The following RBFOX1 variants were observed in gnomAD, a reference collection of about 807,000 sequenced individuals.
RBFOX1 encodes RNA binding protein fox-1 homolog 1.
RBFOX1 carries 8 observed loss-of-function variants against 57.7 expected under a neutral mutation model. The ratio of observed to expected loss-of-function variants is 0.14; its 90% confidence interval spans 0.08 to 0.25. The LOEUF is 0.25. RBFOX1 is among the 10% of genes least tolerant of loss of function. The probability of loss-of-function intolerance (pLI) is 1.00; values close to 1 mark genes in which losing one functional copy is unlikely to be tolerated. For synonymous variants in RBFOX1, 326 were observed against 222.4 expected (o/e 1.47, Z -4.15); for missense variants, 611 against 548.5 (o/e 1.11, Z -1.14).
intron 3 of RBFOX1, among the ~76,000 whole-genome samples, chr16:5,750,749 C>T (rs942747075): frequency 6.6e-6 from 1 of 152,156 alleles, no homozygotes; most frequent in African/African-American, 2.4e-5. Flanking sequence ...CCCAATTTTC[C>T]AGGTGCCGTC....
chr16:5,734,655 C>T (rs2052506979), intron 3 of RBFOX1, among the ~76,000 whole-genome samples: 1 of 152,130 alleles, frequency 6.6e-6, no homozygotes, highest in African/African-American at 2.4e-5. Flanking sequence ...CTGCCTGTCG[C>T]CTTCCTCTTT....
chr16:6,440,214 C>T (rs759426885), intron 2 of RBFOX1, among the ~76,000 whole-genome samples: 16 of 151,978 alleles, frequency 1.1e-4, no homozygotes, highest in Non-Finnish European at 1.8e-4. Context: ...GGATTACAGG[C>T]GTGAGCCTTA....
chr16:6,850,781 T>A (rs1234443516), intron 3 of RBFOX1, among the ~76,000 whole-genome samples: 1 of 152,202 alleles, frequency 6.6e-6, no homozygotes, highest in Non-Finnish European at 1.5e-5. Flanking sequence ...GGTGGGAATG[T>A]CAAATGACTT....
In RBFOX1 at chr16:5,775,762, C is replaced by T. The variant is rs556804661; in HGVS notation, c.319-91541C>T. Among the ~76,000 whole-genome samples, 11 of 152,300 alleles carry T rather than the reference C, an allele frequency of 7.2e-5. No homozygotes were observed. In the East Asian group the frequency reaches 9.6e-4, roughly 13 times the overall value. On this transcript the variant is annotated intron_variant, in intron 3 of 19. Coordinates refer to the RBFOX1 transcript ENST00000641259. The stretch of plus-strand genomic sequence containing the variant: ...CATGGAATGCTGCAATGTCCACTAA[C>T]GTAGGGGTTTTTCAAGAACAAGGAG...
chr16:6,790,912 C>G (rs2082812711), intron 3 of RBFOX1, among the ~76,000 whole-genome samples: 1 of 146,022 alleles, frequency 6.8e-6, no homozygotes, highest in African/African-American at 2.5e-5. Context: ...TCCTGTTTAT[C>G]TTTTTTTTTT....
At chr16:6,117,297 G>T (rs2096507211) in intron 1 of RBFOX1, among the ~76,000 whole-genome samples, 1 of 152,264 alleles carries the variant, frequency 6.6e-6, no homozygotes, top group South Asian at 2.1e-4. Context: ...AAAAAAATAT[G>T]CATGACAATT....
intron 1 of RBFOX1, among the ~76,000 whole-genome samples, chr16:6,273,535 T>C (rs1286368183): frequency 2.0e-5 from 3 of 151,622 alleles, no homozygotes; most frequent in Non-Finnish European, 4.4e-5. Flanking sequence ...TTAGTAGAGA[T>C]GGGCTTCTCC....
chr16:5,738,335 T>A, intron 3 of RBFOX1, among the ~76,000 whole-genome samples: 1 of 151,648 alleles, frequency 6.6e-6, no homozygotes. Context: ...AAAAAGTAAA[T>A]CTAAAGAAAG....
chr16:5,742,161 G>A (rs2052790455), intron 3 of RBFOX1, among the ~76,000 whole-genome samples: 1 of 152,114 alleles, frequency 6.6e-6, no homozygotes, highest in Non-Finnish European at 1.5e-5. Context: ...GGTTCAAGAT[G>A]GGAAATTTGG....
chr16:5,294,781 A>G (rs1020965560), intron 1 of RBFOX1, among the ~76,000 whole-genome samples: 9 of 152,040 alleles, frequency 5.9e-5, no homozygotes, highest in African/African-American at 2.2e-4. Context: ...CTGTAATCCC[A>G]GCACTTTGGG....
At chr16:7,131,712 C>T (rs989546427) in intron 4 of RBFOX1, among the ~76,000 whole-genome samples, 3 of 151,902 alleles carry the variant, frequency 2.0e-5, no homozygotes, top group Non-Finnish European at 4.4e-5. Flanking sequence ...CAAGCATAAC[C>T]GCATACATCT....
chr16:6,709,191 C>T (rs1207782927), intron 3 of RBFOX1, among the ~76,000 whole-genome samples: 2 of 151,992 alleles, frequency 1.3e-5, no homozygotes, highest in African/African-American at 4.8e-5. Context: ...GTTTTAAGGC[C>T]TGTTTTTAAA....
chr16:7,567,269 A>ATATATATATCCC (rs202030071), intron 5 of RBFOX1, among the ~76,000 whole-genome samples: 35,370 of 63,686 alleles, frequency 0.56, 9,571 homozygotes, highest in Middle Eastern at 0.68. Flanking sequence ...ATATATCCCT[A>ATATATATATCCC]TATATATATC....
intron 4 of RBFOX1, among the ~76,000 whole-genome samples, chr16:5,984,976 A>ATATATATTT (rs1359064334): frequency 3.6e-5 from 2 of 55,704 alleles, no homozygotes; most frequent in African/African-American, 1.7e-4. Flanking sequence ...ATATATATAT[A>ATATATATTT]TTTTTTTTTT....
intron 4 of RBFOX1, among the ~76,000 whole-genome samples, chr16:7,264,113 C>G (rs2095037663): frequency 6.6e-6 from 1 of 152,090 alleles, no homozygotes; most frequent in South Asian, 2.1e-4. Flanking sequence ...AACAAAATGA[C>G]TACCCTCTTT....
At chr16:5,246,543 T>C (rs2062304577) in intron 1 of RBFOX1, among the ~76,000 whole-genome samples, 1 of 152,246 alleles carries the variant, frequency 6.6e-6, no homozygotes. Flanking sequence ...TGTTGTCCCA[T>C]GGATCTCTTG....
At chr16:5,641,617 C>T (rs1257649124) in intron 3 of RBFOX1, among the ~76,000 whole-genome samples, 2 of 152,162 alleles carry the variant, frequency 1.3e-5, no homozygotes, top group African/African-American at 4.8e-5. Flanking sequence ...TTGGGTGTGC[C>T]ATGCAGCAGA....
intron 3 of RBFOX1, among the ~76,000 whole-genome samples, chr16:6,724,542 C>T (rs981816995): frequency 6.6e-6 from 1 of 152,164 alleles, no homozygotes; most frequent in Admixed American, 6.5e-5. Context: ...AGGCCCTCAC[C>T]AGACACCAAA....
intron 4 of RBFOX1, among the ~76,000 whole-genome samples, chr16:7,148,373 T>C (rs1239221839): frequency 6.6e-6 from 1 of 152,226 alleles, no homozygotes; most frequent in Non-Finnish European, 1.5e-5. Context: ...ATCATATTAA[T>C]TTTTTGCATT....
Sources: allele counts gnomAD v4.1 joint callset (sites outside exome capture counted in the v4.1 genomes callset), GRCh38; gene constraint gnomAD v4.1.1; transcripts MANE v1.5; gene names NCBI Gene and HGNC (gene_info 2026-07-23, HGNC 2026-07-21).